The following MACROD2 variants were observed in gnomAD, a reference collection of about 807,000 sequenced individuals.
MACROD2 encodes the protein mono-ADP ribosylhydrolase 2.
In MACROD2, 36 loss-of-function variants were observed where a neutral mutation model predicts 70.4. That is an observed-to-expected ratio of 0.51 (90% CI 0.39 to 0.68). The LOEUF is 0.68. Among genes scored for constraint, MACROD2 ranks in the 30% least tolerant of loss-of-function variants. The pLI is 0.00. For synonymous variants in MACROD2, 172 were observed against 178.8 expected (o/e 0.96, Z 0.30); for missense variants, 496 against 538.4 (o/e 0.92, Z 0.78).
chr20:14,535,505 CAAAAAAAAAAAAA>C (rs11357982), intron 4 of MACROD2, among the ~76,000 whole-genome samples: 2 of 62,998 alleles, frequency 3.2e-5, no homozygotes, highest in Non-Finnish European at 5.9e-5. Flanking sequence ...AACTCCGTCT[CAAAAAAAAAAAAA>C]AAAAAAAAAA....
intron 5 of MACROD2, among the ~76,000 whole-genome samples, chr20:14,764,324 A>G (rs773272649): frequency 4.6e-5 from 7 of 151,822 alleles, no homozygotes; most frequent in Non-Finnish European, 5.9e-5. Context: ...AGCGGGTCCC[A>G]CTTTTTGCTC....
intron 3 of MACROD2, among the ~76,000 whole-genome samples, chr20:14,303,153 G>C (rs1377754494): frequency 1.3e-5 from 2 of 152,234 alleles, no homozygotes; most frequent in Middle Eastern, 3.4e-3. Flanking sequence ...ATTTCACAGA[G>C]AACTTATCTT....
At chr20:14,459,523 T>G (rs998234128) in intron 3 of MACROD2, among the ~76,000 whole-genome samples, 6 of 151,980 alleles carry the variant, frequency 3.9e-5, no homozygotes, top group South Asian at 4.1e-4. Context: ...TGTGTATGTA[T>G]GTAGGTAGGT....
chr20:15,760,669 T>C (rs1440879421), intron 8 of MACROD2, among the ~76,000 whole-genome samples: 1 of 152,186 alleles, frequency 6.6e-6, no homozygotes, highest in African/African-American at 2.4e-5. Flanking sequence ...TAGCAATTTA[T>C]GCTTTTACTT....
At chr20:15,389,265 G>A (rs549061008) in intron 6 of MACROD2, among the ~76,000 whole-genome samples, 16 of 152,342 alleles carry the variant, frequency 1.1e-4, no homozygotes, top group African/African-American at 3.6e-4. Context: ...TGTTACTGAA[G>A]AAGAGAGAGA....
intron 5 of MACROD2, among the ~76,000 whole-genome samples, chr20:15,026,107 G>A (rs544613674): frequency 6.7e-6 from 1 of 148,716 alleles, no homozygotes; most frequent in Non-Finnish European, 1.5e-5. Flanking sequence ...GTATTTCCCA[G>A]TCTTCAGGGG....
At chr20:15,632,260 G>A (rs76924850) in intron 8 of MACROD2, among the ~76,000 whole-genome samples, 3,597 of 151,996 alleles carry the variant, frequency 0.024, 131 homozygotes, top group African/African-American at 0.082. Context: ...CTTTTAAAGT[G>A]GCCAAATGAA....
intron 6 of MACROD2, among the ~76,000 whole-genome samples, chr20:15,342,122 C>G (rs944365555): frequency 3.3e-5 from 5 of 152,048 alleles, no homozygotes; most frequent in African/African-American, 1.2e-4. Context: ...GTTTAACATG[C>G]CTTTAACCTA....
At chr20:14,847,091 GA>G (rs5840635) in intron 5 of MACROD2, among the ~76,000 whole-genome samples, 2 of 151,520 alleles carry the variant, frequency 1.3e-5, no homozygotes, top group Admixed American at 6.6e-5. Context: ...TTAGACAAAA[GA>G]AAAAAAAGTA....
intron 8 of MACROD2, among the ~76,000 whole-genome samples, chr20:15,798,075 A>G (rs758729420): frequency 3.3e-5 from 5 of 152,240 alleles, no homozygotes; most frequent in Admixed American, 6.5e-5. Context: ...CTAAAACTTT[A>G]TTTACAAAAA....
At chr20:15,940,984 G>A (rs1457182154) in intron 12 of MACROD2, among the ~76,000 whole-genome samples, 2 of 152,178 alleles carry the variant, frequency 1.3e-5, no homozygotes, top group African/African-American at 2.4e-5. Flanking sequence ...CCATGTTTCA[G>A]GCTGGGATTT....
At chr20:15,137,195 C>T (rs2076155311) in intron 5 of MACROD2, among the ~76,000 whole-genome samples, 1 of 149,968 alleles carries the variant, frequency 6.7e-6, no homozygotes, top group Non-Finnish European at 1.5e-5. Context: ...TTGACCCAGC[C>T]ATCCCATTAC....
chr20:16,008,956 G>T (rs1191935379), intron 15 of MACROD2, among the ~76,000 whole-genome samples: 1 of 151,838 alleles, frequency 6.6e-6, no homozygotes, highest in Non-Finnish European at 1.5e-5. Flanking sequence ...TAGAAGTCCA[G>T]TAGTTTTCCT....
chr20:15,589,121 G>T (rs145621424), intron 8 of MACROD2, among the ~76,000 whole-genome samples: 1 of 152,124 alleles, frequency 6.6e-6, no homozygotes, highest in East Asian at 1.9e-4. Flanking sequence ...CTTACATGGC[G>T]GCAGCAAGAG....
intron 8 of MACROD2, among the ~76,000 whole-genome samples, chr20:15,822,860 A>T (rs1403326420): frequency 1.3e-5 from 2 of 152,222 alleles, no homozygotes; most frequent in African/African-American, 4.8e-5. Flanking sequence ...GAGGTGGATT[A>T]TCTACCTCAG....
chr20:14,448,815 C>G (rs1017095718), intron 3 of MACROD2, among the ~76,000 whole-genome samples: 1 of 152,058 alleles, frequency 6.6e-6, no homozygotes, highest in African/African-American at 2.4e-5. Context: ...TGTATTGCTC[C>G]TCAGCAAATA....
intron 6 of MACROD2, among the ~76,000 whole-genome samples, chr20:15,355,753 T>A (rs987069782): frequency 2.6e-5 from 4 of 152,184 alleles, no homozygotes; most frequent in African/African-American, 9.6e-5. Flanking sequence ...CTTACGAAAT[T>A]CCAAGGGCTT....
intron 6 of MACROD2, among the ~76,000 whole-genome samples, chr20:15,259,885 T>C (rs915410602): frequency 6.6e-6 from 1 of 151,954 alleles, no homozygotes. Context: ...AGAAGCAGCA[T>C]CTATATATAG....
chr20:15,581,827 G>A (rs1341864997), intron 8 of MACROD2, among the ~76,000 whole-genome samples: 2 of 152,168 alleles, frequency 1.3e-5, no homozygotes, highest in Middle Eastern at 3.4e-3. Context: ...ACAGCAAAAT[G>A]AAATAAACCA....
Sources: gnomAD v4.1 joint callset for allele counts (sites outside exome capture counted in the v4.1 genomes callset) on GRCh38, gnomAD v4.1.1 for gene constraint, MANE v1.5 for transcripts, NCBI Gene and HGNC (gene_info 2026-07-23, HGNC 2026-07-21) for gene names.